NAV2: variants seen among roughly 807,000 people sequenced by gnomAD.
NAV2 encodes the protein neuron navigator 2.
A neutral mutation model predicts 223.2 loss-of-function variants in NAV2; 54 were observed. The ratio of observed to expected loss-of-function variants is 0.24; its 90% confidence interval spans 0.19 to 0.30. The LOEUF (loss-of-function observed/expected upper bound fraction) is 0.30. Among genes scored for constraint, NAV2 ranks in the 10% least tolerant of loss-of-function variants. The probability of loss-of-function intolerance (pLI) is 1.00; values close to 1 mark genes in which losing one functional copy is unlikely to be tolerated. For synonymous variants in NAV2, 1,279 were observed against 1,239.3 expected (o/e 1.03, Z -0.67); for missense variants, 2,806 against 3,147.5 (o/e 0.89, Z 2.60).
chr11:19,943,139 T>C (rs1428526689), intron 8 of NAV2, among the ~76,000 whole-genome samples: 1 of 152,180 alleles, frequency 6.6e-6, no homozygotes, highest in Non-Finnish European at 1.5e-5. Context: ...TAGACTTAGC[T>C]TCATAATCAA....
intron 6 of NAV2, among the ~76,000 whole-genome samples, chr11:19,911,041 T>C (rs556443391): frequency 2.0e-5 from 3 of 151,852 alleles, no homozygotes; most frequent in Admixed American, 6.5e-5. Context: ...ATTTTTTTTT[T>C]TTTTTTTTTG....
At chr11:19,541,235 G>A (rs1808246907) in intron 1 of NAV2, among the ~76,000 whole-genome samples, 1 of 152,190 alleles carries the variant, frequency 6.6e-6, no homozygotes, top group Admixed American at 6.5e-5. Context: ...TGGGGTGGTG[G>A]CAAGGGAATC....
Position 19,896,302 on chromosome 11 carries a change from C to T in NAV2, c.931+3708C>T, listed in dbSNP as rs181792535. Among the ~76,000 whole-genome samples, 141 of 152,192 alleles carry T rather than the reference C, an allele frequency of 9.3e-4. No individual in the cohort carries two copies. In the South Asian group the frequency reaches 0.015, roughly 16 times the overall value. ...CATCTTGCAAAATTGAAACTCGGTGCCCATTAAACAATAACTCTCCTTCAC... is the reference window on the plus strand; with the variant it reads ...CATCTTGCAAAATTGAAACTCGGTGTCCATTAAACAATAACTCTCCTTCAC... On this transcript the variant is annotated intron_variant, in intron 6 of 37. Transcript: ENST00000349880.
At chr11:19,978,272 T>C (rs552354836) in intron 10 of NAV2, among the ~76,000 whole-genome samples, 1 of 152,246 alleles carries the variant, frequency 6.6e-6, no homozygotes, top group African/African-American at 2.4e-5. Flanking sequence ...GTCCAGAAAC[T>C]CGATTTGCAT....
intron 1 of NAV2, among the ~76,000 whole-genome samples, chr11:19,823,635 C>T (rs569744601): frequency 2.0e-5 from 3 of 152,242 alleles, no homozygotes; most frequent in Non-Finnish European, 4.4e-5. Context: ...GCCACTGTGC[C>T]CAGCTTATAC....
chr11:19,705,247 A>C (rs2152292980), intron 1 of NAV2, among the ~76,000 whole-genome samples: 1 of 152,282 alleles, frequency 6.6e-6, no homozygotes, highest in African/African-American at 2.4e-5. Context: ...TGTCACCTTT[A>C]CTTTTTGCAG....
chr11:20,050,891 G>A lies in NAV2; in HGVS notation c.4437-398G>A, dbSNP rs923484563. ...CATTTAGGGGGTGGGCCAGAGTTAG[G>A]GGTGCAGGGAAGTGGGCATCCCTCT... is the stretch of plus-strand genomic sequence containing the variant. On this transcript the variant is annotated intron_variant, in intron 16 of 37. Coordinates refer to ENST00000349880, the MANE Select transcript of NAV2 (RefSeq NM_145117.5). Among the ~76,000 whole-genome samples the A allele has an allele frequency of 3.9e-5, 6 of 152,348 alleles. No individual in the cohort carries two copies. In the South Asian group the frequency reaches 1.2e-3, roughly 32 times the overall value.
intron 1 of NAV2, among the ~76,000 whole-genome samples, chr11:19,579,398 C>T (rs914301935): frequency 4.6e-5 from 7 of 152,162 alleles, no homozygotes; most frequent in South Asian, 4.1e-4. Flanking sequence ...CCTTGGTCTT[C>T]GTCTATCTGC....
intron 1 of NAV2, among the ~76,000 whole-genome samples, chr11:19,728,319 G>A (rs1016137479): frequency 6.6e-6 from 1 of 152,180 alleles, no homozygotes; most frequent in East Asian, 1.9e-4. Flanking sequence ...TTCTTCACCA[G>A]CCGTGTGTAG....
intron 1 of NAV2, among the ~76,000 whole-genome samples, chr11:19,435,092 G>A (rs941419079): frequency 2.6e-5 from 4 of 151,874 alleles, no homozygotes; most frequent in African/African-American, 9.7e-5. Context: ...ATTTCTTTGT[G>A]GTGAAAACAT....
intron 1 of NAV2, among the ~76,000 whole-genome samples, chr11:19,793,007 G>A (rs1344248784): frequency 2.0e-5 from 3 of 151,586 alleles, no homozygotes; most frequent in African/African-American, 7.3e-5. Context: ...TCAGGAGTTC[G>A]AGACCAGCCT....
Position 20,101,139 on chromosome 11 carries a change from C to A in NAV2, c.6384C>A (p.Ile2128=), listed in dbSNP as rs777339341. ...REGRELTDGV[I]ATFNVDHKSS... ...GACGGGAGTTGACAGACGGGGTTAT[C>A]GCCACCTTTAACGTGGACCATAAGT... The change falls in exon 32 of 38, where the codon ATC becomes ATA. Residue 2128 remains isoleucine (I), a synonymous_variant. Transcript: ENST00000349880. The A allele has an allele frequency of 2.3e-5, 37 of 1,613,936 alleles. No individual in the cohort carries two copies. Among genetic ancestry groups the A allele is most frequent in the Non-Finnish European group, 3.1e-5 (36 of 1,179,976 alleles).
intron 5 of NAV2, among the ~76,000 whole-genome samples, chr11:19,890,256 C>T (rs1392361425): frequency 1.3e-5 from 2 of 152,130 alleles, no homozygotes; most frequent in East Asian, 3.9e-4. Flanking sequence ...AACCTGTATT[C>T]TATCCATTAC....
intron 1 of NAV2, among the ~76,000 whole-genome samples, chr11:19,790,895 T>A (rs931257203): frequency 6.6e-6 from 1 of 151,982 alleles, no homozygotes; most frequent in East Asian, 1.9e-4. Flanking sequence ...AAAGGAATAT[T>A]GCTTGTTTTT....
At chr11:19,593,272 TG>T in intron 1 of NAV2, among the ~76,000 whole-genome samples, 1 of 152,334 alleles carries the variant, frequency 6.6e-6, no homozygotes, top group East Asian at 1.9e-4. Flanking sequence ...GCTTGGCTTT[TG>T]TTTTTTTCCC....
In NAV2 at chr11:19,920,247, A is replaced by T. The variant is rs16937242; in HGVS notation, c.932-12929A>T. ...AGCTGCAGTAAATCCACTGTATAAGATACTTGCATGAATTAATGAAATAAT... is the reference window on the plus strand; with the variant it reads ...AGCTGCAGTAAATCCACTGTATAAGTTACTTGCATGAATTAATGAAATAAT... On this transcript the variant is annotated intron_variant, in intron 6 of 37. Transcript: ENST00000349880. 4.9e-3 allele frequency among the ~76,000 whole-genome samples: 746 copies of T among 152,350 alleles called. 5 individuals are homozygous for T. Among genetic ancestry groups the T allele is most frequent in the African/African-American group, 0.017 (722 of 41,566 alleles).
intron 6 of NAV2, among the ~76,000 whole-genome samples, chr11:19,925,747 CA>C (rs748662441): frequency 0.047 from 4,527 of 95,740 alleles, 73 homozygotes; most frequent in South Asian, 0.092. Flanking sequence ...GATTCTGTCT[CA>C]AAAAAAAAAA....
rs367929651 is a variant in NAV2 at position 19,704,384 on chromosome 11, T to A, written c.76-128100T>A. On this transcript the variant is annotated intron_variant, in intron 1 of 37. Transcript: ENST00000360655. The stretch of plus-strand genomic sequence containing the variant: ...AGAAACAGGAAGTTACATTATCATT[T>A]CCATGCTTATCATTATGATGGCTAT... 2.6e-5 allele frequency among the ~76,000 whole-genome samples: 4 copies of A among 152,310 alleles called. No homozygotes were observed. In the South Asian group the frequency reaches 6.2e-4, roughly 24 times the overall value.
At chr11:19,900,268 GAGGA>G (rs200321875) in intron 6 of NAV2, among the ~76,000 whole-genome samples, 62,398 of 151,628 alleles carry the variant, frequency 0.41, 15,352 homozygotes, top group Non-Finnish European at 0.54. Context: ...CAGATCACTG[GAGGA>G]ATAAACAAGA....
Sources: gnomAD v4.1 joint callset for allele counts (sites outside exome capture counted in the v4.1 genomes callset) on GRCh38, gnomAD v4.1.1 for gene constraint, MANE v1.5 for transcripts, NCBI Gene and HGNC (gene_info 2026-07-23, HGNC 2026-07-21) for gene names.